The following RIT2 variants were observed in gnomAD, a reference collection of about 807,000 sequenced individuals.
The protein encoded by RIT2 is GTP-binding protein Rit2.
Under a neutral mutation model 23.7 loss-of-function variants are expected in RIT2, and 24 were observed. That is an observed-to-expected ratio of 1.01 (90% CI 0.73 to 1.43). The LOEUF is 1.43. Among genes scored for constraint, RIT2 ranks in the 40% most tolerant of loss-of-function variants. RIT2 has a pLI of 0.00. For synonymous variants in RIT2, 107 were observed against 91.1 expected (o/e 1.17, Z -0.99); for missense variants, 236 against 266.9 (o/e 0.88, Z 0.81).
At chr18:43,049,105 G>T (rs1360040698) in intron 1 of RIT2, among the ~76,000 whole-genome samples, 1 of 152,124 alleles carries the variant, frequency 6.6e-6, no homozygotes, top group Non-Finnish European at 1.5e-5. Flanking sequence ...CAACTCTCTG[G>T]AGGAAAAGTT....
chr18:42,973,929 C>A (rs149501001), intron 3 of RIT2, 145 bp downstream of exon 3: 3 of 566,252 alleles, frequency 5.3e-6, no homozygotes, highest in African/African-American at 4.0e-5. Context: ...AATTTTGATT[C>A]TTTTAAAATT....
At chr18:42,895,779 A>C (rs1338485123) in intron 4 of RIT2, among the ~76,000 whole-genome samples, 1 of 152,178 alleles carries the variant, frequency 6.6e-6, no homozygotes, top group Non-Finnish European at 1.5e-5. Flanking sequence ...AACTGGCATA[A>C]AGGGATCTCT....
intron 4 of RIT2, among the ~76,000 whole-genome samples, chr18:42,829,021 C>T (rs1043286847): frequency 1.3e-5 from 2 of 152,112 alleles, no homozygotes; most frequent in Non-Finnish European, 2.9e-5. Flanking sequence ...TCGGTGACCT[C>T]TCACTGTTGT....
At chr18:42,821,100 G>C (rs1239506767) in intron 4 of RIT2, among the ~76,000 whole-genome samples, 1 of 152,052 alleles carries the variant, frequency 6.6e-6, no homozygotes, top group Non-Finnish European at 1.5e-5. Flanking sequence ...CATGCTTTCT[G>C]TACAGCCTAC....
At chr18:43,043,883 A>G (rs752292598) in intron 1 of RIT2, among the ~76,000 whole-genome samples, 3 of 152,202 alleles carry the variant, frequency 2.0e-5, no homozygotes, top group Non-Finnish European at 4.4e-5. Flanking sequence ...TTTTCCCCTC[A>G]GCACACATAT....
At chr18:43,112,207 A>G (rs573277432) in intron 1 of RIT2, among the ~76,000 whole-genome samples, 2 of 152,284 alleles carry the variant, frequency 1.3e-5, no homozygotes, top group South Asian at 4.1e-4. Flanking sequence ...TCAGAGCATT[A>G]AACATAATGT....
At chr18:43,102,492 G>C (rs1448153482) in intron 1 of RIT2, among the ~76,000 whole-genome samples, 1 of 141,862 alleles carries the variant, frequency 7.0e-6, no homozygotes, top group East Asian at 2.0e-4. Flanking sequence ...CACAGTTCTG[G>C]TGTGCGGTGG....
intron 4 of RIT2, among the ~76,000 whole-genome samples, chr18:42,829,277 CTT>C (rs988774310): frequency 1.1e-4 from 17 of 152,210 alleles, no homozygotes; most frequent in Admixed American, 5.2e-4. Context: ...ATTATCATGA[CTT>C]TTTCAAACAT....
chr18:42,977,404 T>G (rs1910499623), intron 2 of RIT2, among the ~76,000 whole-genome samples: 1 of 152,088 alleles, frequency 6.6e-6, no homozygotes. Flanking sequence ...TGCTAAAAGC[T>G]TTTAAAACAT....
intron 4 of RIT2, among the ~76,000 whole-genome samples, chr18:42,766,069 T>C (rs906353391): frequency 8.5e-5 from 13 of 152,222 alleles, no homozygotes; most frequent in African/African-American, 2.9e-4. Context: ...GGTATGTCTT[T>C]ATCAGCAGCA....
chr18:42,990,554 G>T (rs2144226850), intron 2 of RIT2, among the ~76,000 whole-genome samples: 1 of 152,262 alleles, frequency 6.6e-6, no homozygotes, highest in East Asian at 1.9e-4. Context: ...CCCTGTTAAA[G>T]AAATGTTTTA....
intron 4 of RIT2, among the ~76,000 whole-genome samples, chr18:42,873,827 A>C (rs1049556539): frequency 2.6e-5 from 4 of 152,174 alleles, no homozygotes; most frequent in African/African-American, 9.6e-5. Flanking sequence ...TAAGAAAATT[A>C]ACTTCTCTAT....
intron 1 of RIT2, among the ~76,000 whole-genome samples, chr18:43,043,290 G>T (rs926668771): frequency 6.6e-6 from 1 of 152,034 alleles, no homozygotes; most frequent in Non-Finnish European, 1.5e-5. Context: ...AATTGATTGG[G>T]CCATAGGACC....
chr18:43,084,180 G>C (rs1195070165), intron 1 of RIT2, among the ~76,000 whole-genome samples: 1 of 152,076 alleles, frequency 6.6e-6, no homozygotes, highest in African/African-American at 2.4e-5. Context: ...CAAAACCATA[G>C]TGAGATTCTA....
intron 2 of RIT2, among the ~76,000 whole-genome samples, chr18:42,980,225 G>T (rs1417566998): frequency 6.6e-6 from 1 of 152,040 alleles, no homozygotes; most frequent in Non-Finnish European, 1.5e-5. Flanking sequence ...TGAAGACAGG[G>T]TACCACAAGG....
chr18:42,969,928 A>G (rs1455859310), intron 3 of RIT2, among the ~76,000 whole-genome samples: 1 of 152,028 alleles, frequency 6.6e-6, no homozygotes, highest in Admixed American at 6.6e-5. Flanking sequence ...TTTAATTTAG[A>G]GTATCTTCAC....
chr18:42,833,704 G>A (rs898623485), intron 4 of RIT2, among the ~76,000 whole-genome samples: 1 of 152,124 alleles, frequency 6.6e-6, no homozygotes, highest in Non-Finnish European at 1.5e-5. Flanking sequence ...AATTAGAGAA[G>A]TGACTTGTTC....
chr18:42,992,793 A>T (rs955623245), intron 2 of RIT2, among the ~76,000 whole-genome samples: 4 of 152,122 alleles, frequency 2.6e-5, no homozygotes, highest in African/African-American at 9.7e-5. Context: ...TTTCTCATCA[A>T]ATATAAAAAC....
intron 1 of RIT2, among the ~76,000 whole-genome samples, chr18:43,077,426 T>A (rs1398511964): frequency 7.6e-6 from 1 of 132,074 alleles, no homozygotes; most frequent in South Asian, 2.4e-4. Flanking sequence ...TTCTTGAACA[T>A]TTTTTTTTGT....
Sources: gnomAD v4.1 joint callset for allele counts (sites outside exome capture counted in the v4.1 genomes callset) on GRCh38, gnomAD v4.1.1 for gene constraint, MANE v1.5 for transcripts, NCBI Gene and HGNC (gene_info 2026-07-23, HGNC 2026-07-21) for gene names.